Variants in CELF2 observed in about 807,000 individuals in gnomAD.
CELF2 encodes the protein CUG triplet repeat RNA-binding protein 2.
A neutral mutation model predicts 62.6 loss-of-function variants in CELF2; 8 were observed. The observed-to-expected ratio is 0.13, with a 90% confidence interval of 0.07 to 0.23. The LOEUF (loss-of-function observed/expected upper bound fraction) is 0.23. Among genes scored for constraint, CELF2 ranks in the 10% least tolerant of loss-of-function variants. CELF2 has a pLI of 1.00. For synonymous variants in CELF2, 258 were observed against 250.0 expected (o/e 1.03, Z -0.30); for missense variants, 333 against 671.0 (o/e 0.50, Z 5.56).
rs986072820 is a variant in CELF2 at position 10,972,949 on chromosome 10, G to A, written c.89+52950G>A. The stretch of plus-strand genomic sequence containing the variant: ...GATGGAAAGATGTGAAGGGAGGGTC[G>A]AGATGTTTTTAATGGCAAAGAATGT... On this transcript the variant is annotated intron_variant, in intron 2 of 13. Transcript: ENST00000636488. The surrounding 1 kb of genome is among the most constrained non-coding windows in gnomAD (Gnocchi z 4.4). Among the ~76,000 whole-genome samples, 1 of 152,100 alleles carries A rather than the reference G, an allele frequency of 6.6e-6. No homozygotes were observed. The highest frequency in any genetic ancestry group is 2.4e-5 in the African/African-American group (1 of 41,424).
In CELF2 at chr10:10,913,324, C is replaced by T. The variant is rs542337905; in HGVS notation, c.54-6640C>T. ...GATTTTCCAGTGCTAAGGTTCACCA[C>T]ACAAGAAAAAAAATTAACTGTCCTG... On this transcript the variant is annotated intron_variant, in intron 1 of 13. Coordinates refer to the CELF2 transcript ENST00000636488. Among the ~76,000 whole-genome samples the T allele has an allele frequency of 2.2e-5, 3 of 137,802 alleles. No individual in the cohort carries two copies. In the South Asian group the frequency reaches 7.1e-4, roughly 32 times the overall value. The allele number at this position is 137,802 out of a possible 152,430, so 90.4% of individuals were successfully genotyped here. A position where few individuals can be genotyped will look rare whatever the true frequency, so the allele number is the denominator to read the frequency against.
At chr10:10,499,698 T>C in the CELF2 span, among the ~76,000 whole-genome samples, 2 of 152,234 alleles carry the variant, frequency 1.3e-5, no homozygotes, top group African/African-American at 2.4e-5. Flanking sequence ...GTCAACGTGG[T>C]GAAATCCTAT....
At chr10:11,052,813 G>A (rs1266942089) in intron 1 of CELF2, among the ~76,000 whole-genome samples, 1 of 152,218 alleles carries the variant, frequency 6.6e-6, no homozygotes, top group African/African-American at 2.4e-5. Flanking sequence ...ATCCTGGGAA[G>A]AGGAAGGAAG....
At chr10:10,499,098 A>G in the CELF2 span, among the ~76,000 whole-genome samples, 3 of 141,402 alleles carry the variant, frequency 2.1e-5, no homozygotes, top group Non-Finnish European at 4.5e-5. Context: ...AGAGAGTCTC[A>G]CTCTGTTGCC....
intron 1 of CELF2, among the ~76,000 whole-genome samples, chr10:11,114,915 G>T (rs141616507): frequency 1.3e-5 from 2 of 152,292 alleles, no homozygotes; most frequent in East Asian, 1.9e-4. Context: ...GTAGATAGCT[G>T]ATTTTCTGTA....
At chr10:11,041,820 A>G (rs1227461497) in intron 1 of CELF2, among the ~76,000 whole-genome samples, 1 of 152,206 alleles carries the variant, frequency 6.6e-6, no homozygotes, top group African/African-American at 2.4e-5. Context: ...GTAAGCTGAT[A>G]TAGTTGGATA....
intron 1 of CELF2, among the ~76,000 whole-genome samples, chr10:11,136,649 G>C (rs953774535): frequency 6.6e-6 from 1 of 151,998 alleles, no homozygotes. Flanking sequence ...AGAAAAAAAC[G>C]AAGTTAAACG....
At chr10:10,462,615 C>CTTTTTTATTTTTTTTTTTTTTT in the CELF2 span, among the ~76,000 whole-genome samples, 1 of 69,414 alleles carries the variant, frequency 1.4e-5, no homozygotes, top group Non-Finnish European at 2.5e-5. Context: ...TTTTTTTCAT[C>CTTTTTTATTTTTTTTTTTTTTT]TTTTTTTTTT....
the CELF2 span, among the ~76,000 whole-genome samples, chr10:10,565,744 T>A: frequency 1.3e-5 from 2 of 152,226 alleles, no homozygotes; most frequent in Admixed American, 1.3e-4. Flanking sequence ...AAATATCTGT[T>A]ACTTCAGCCT....
intron 2 of CELF2, among the ~76,000 whole-genome samples, chr10:11,175,429 A>G (rs977294533): frequency 6.6e-6 from 1 of 152,384 alleles, no homozygotes; most frequent in East Asian, 1.9e-4. Context: ...GCTAAAGTGC[A>G]GAGTGAAGCT....
chr10:11,133,956 A>G (rs1337676281), intron 1 of CELF2, among the ~76,000 whole-genome samples: 2 of 152,014 alleles, frequency 1.3e-5, no homozygotes, highest in African/African-American at 2.4e-5. Flanking sequence ...ATTTGGTTGT[A>G]TTTTTTTACA....
chr10:10,769,772 AATAATAAT>A, the CELF2 span, among the ~76,000 whole-genome samples: 1 of 148,092 alleles, frequency 6.8e-6, no homozygotes, highest in Non-Finnish European at 1.5e-5. Context: ...TCCAAAAAAT[AATAATAAT>A]AATAATAATA....
At chr10:10,660,747 T>C in the CELF2 span, among the ~76,000 whole-genome samples, 1 of 152,380 alleles carries the variant, frequency 6.6e-6, no homozygotes, top group Non-Finnish European at 1.5e-5. Context: ...TTTACATTTT[T>C]GCAAAGTGTC....
the CELF2 span, among the ~76,000 whole-genome samples, chr10:10,676,644 C>T: frequency 6.6e-6 from 1 of 152,166 alleles, no homozygotes; most frequent in Non-Finnish European, 1.5e-5. Flanking sequence ...AGTTACAGTT[C>T]CAGTTTTCCT....
the CELF2 span, among the ~76,000 whole-genome samples, chr10:10,690,135 T>A: frequency 6.6e-6 from 1 of 152,228 alleles, no homozygotes; most frequent in South Asian, 2.1e-4. Flanking sequence ...TCTCTCCTCT[T>A]CTTCATTGGC....
At chr10:10,970,282 G>A in intron 2 of CELF2, among the ~76,000 whole-genome samples, 1 of 152,112 alleles carries the variant, frequency 6.6e-6, no homozygotes, top group East Asian at 1.9e-4. Context: ...GGCCAGGCTG[G>A]TCTTGAACTC....
chr10:11,073,669 T>C (rs2070879057), intron 1 of CELF2, among the ~76,000 whole-genome samples: 1 of 152,230 alleles, frequency 6.6e-6, no homozygotes, highest in African/African-American at 2.4e-5. Context: ...ACGGTGACCA[T>C]GGCATCAGAA....
chr10:11,125,087 A>G (rs898493400), intron 1 of CELF2, among the ~76,000 whole-genome samples: 5 of 152,184 alleles, frequency 3.3e-5, no homozygotes, highest in Admixed American at 3.3e-4. Context: ...ACCATTAAGT[A>G]TGATGGTTTC....
At chr10:11,081,843 A>G (rs865916120) in intron 1 of CELF2, among the ~76,000 whole-genome samples, 1 of 152,232 alleles carries the variant, frequency 6.6e-6, no homozygotes, top group Non-Finnish European at 1.5e-5. Flanking sequence ...GGACACATTC[A>G]TCACTTAGGG....
Sources: allele counts gnomAD v4.1 joint callset (sites outside exome capture counted in the v4.1 genomes callset), GRCh38; gene constraint gnomAD v4.1.1; non-coding constraint Gnocchi (gnomAD v3.1); transcripts MANE v1.5; gene names NCBI Gene and HGNC (gene_info 2026-07-23, HGNC 2026-07-21).